STYK1: variants seen among roughly 807,000 people sequenced by gnomAD.
STYK1 encodes tyrosine-protein kinase STYK1.
A neutral mutation model predicts 48.1 loss-of-function variants in STYK1; 46 were observed. The ratio of observed to expected loss-of-function variants is 0.96; its 90% CI spans 0.75 to 1.22. The LOEUF is 1.22. Among genes scored for constraint, STYK1 ranks in the 50% most tolerant of loss-of-function variants. STYK1 has a pLI of 0.00. For synonymous variants in STYK1, 188 were observed against 189.0 expected (o/e 0.99, Z 0.04); for missense variants, 527 against 521.1 (o/e 1.01, Z -0.11).
chr12:10,664,912 C>A, intron 1 of STYK1, among the ~76,000 whole-genome samples: 1 of 152,302 alleles, frequency 6.6e-6, no homozygotes, highest in Non-Finnish European at 1.5e-5. Context: ...TAATTCATGG[C>A]TATTTTACCA....
chr12:10,673,686 T>G (rs1418873353), intron 1 of STYK1: 1 of 151,888 alleles, frequency 6.6e-6, no homozygotes, highest in Non-Finnish European at 1.5e-5. Context: ...TCCTGGGTTT[T>G]CTCATGTTTC....
chr12:10,662,990 G>A (rs562392286), intron 1 of STYK1, among the ~76,000 whole-genome samples: 18 of 152,196 alleles, frequency 1.2e-4, no homozygotes, highest in Admixed American at 5.2e-4. Flanking sequence ...TCAGGACTTT[G>A]GTTCATTTTG....
chr12:10,663,443 C>CA (rs1565574684), intron 1 of STYK1, among the ~76,000 whole-genome samples: 1 of 151,520 alleles, frequency 6.6e-6, no homozygotes, highest in Non-Finnish European at 1.5e-5. Context: ...ACTAAAAATA[C>CA]AAAAAATTAG....
In STYK1 at chr12:10,663,261, G is replaced by A. The variant is rs115579918; in HGVS notation, c.-195+10705C>T. Among the ~76,000 whole-genome samples, 518 of 152,126 alleles carry A rather than the reference G, an allele frequency of 3.4e-3. 3 individuals carry two copies. Among genetic ancestry groups the A allele is most frequent in the Middle Eastern group, 0.014 (4 of 294 alleles). On this transcript the variant is annotated intron_variant, in intron 1 of 10. Transcript: ENST00000075503. ...CCCAAGTAGCTGGGATTATAGACAC[G>A]TGCCACAGCACCCAGCCCACACAAT...
At chr12:10,660,311 A>G (rs1232307348) in intron 1 of STYK1, among the ~76,000 whole-genome samples, 2 of 152,216 alleles carry the variant, frequency 1.3e-5, no homozygotes, top group Non-Finnish European at 1.5e-5. Context: ...CCATACTGAT[A>G]CTTTCTGACC....
At chr12:10,634,533 T>C (rs1947464974) in intron 3 of STYK1, 34 bp downstream of exon 3, 17 of 1,603,270 alleles carry the variant, frequency 1.1e-5, no homozygotes, top group Non-Finnish European at 1.1e-5. Context: ...AATTCTAAAA[T>C]CAGAGGATAG....
intron 1 of STYK1, among the ~76,000 whole-genome samples, chr12:10,669,661 C>T (rs1013891148): frequency 5.3e-5 from 8 of 151,894 alleles, no homozygotes; most frequent in Non-Finnish European, 1.2e-4. Flanking sequence ...AATTTCTGCA[C>T]AACCAAGGAA....
intron 1 of STYK1, among the ~76,000 whole-genome samples, chr12:10,641,968 A>G (rs1272100696): frequency 6.6e-6 from 1 of 152,222 alleles, no homozygotes; most frequent in Non-Finnish European, 1.5e-5. Flanking sequence ...TTCATTCAGC[A>G]TCCGGAAGCA....
chr12:10,660,468 G>GAATGTGGCAAA (rs1591702336), intron 1 of STYK1, among the ~76,000 whole-genome samples: 24,867 of 119,430 alleles, frequency 0.21, 7,349 homozygotes, highest in East Asian at 0.41. Context: ...AGGGGAGGAG[G>GAATGTGGCAAA]GAAATATGTT....
At chr12:10,644,641 G>A (rs866963670) in intron 1 of STYK1, among the ~76,000 whole-genome samples, 17 of 152,106 alleles carry the variant, frequency 1.1e-4, no homozygotes, top group Non-Finnish European at 2.2e-4. Context: ...GATTACAGTA[G>A]TGACAGTAAA....
intron 1 of STYK1, among the ~76,000 whole-genome samples, chr12:10,638,840 A>C (rs1023673360): frequency 6.6e-6 from 1 of 152,248 alleles, no homozygotes; most frequent in Admixed American, 6.5e-5. Flanking sequence ...GCCCTGTTCC[A>C]GTAAGGTACA....
At position 10,673,999 on chromosome 12, in the gene STYK1, G is replaced by A. The variant is rs1947916918; in HGVS notation, c.-228C>T. 1 of 152,212 alleles carries A rather than the reference G, an allele frequency of 6.6e-6. No individual in the cohort carries two copies. Among genetic ancestry groups the A allele is most frequent in the Non-Finnish European group, 1.5e-5 (1 of 68,092 alleles). The allele number at this position is 152,212 out of a possible 1,614,324, so 9.4% of individuals were successfully genotyped here. A position where few individuals can be genotyped will look rare whatever the true frequency, so the allele number is the denominator to read the frequency against. ...TCCTCTGGTCACTCCGGTTTCCGAT[G>A]GCACCGGCCCAGTCGGAGGGGAAAT... On this transcript the variant is annotated 5_prime_UTR_variant, in exon 1 of 11. Transcript: ENST00000075503.
chr12:10,650,156 T>C (rs376956822), intron 1 of STYK1, among the ~76,000 whole-genome samples: 36 of 146,180 alleles, frequency 2.5e-4, no homozygotes, highest in African/African-American at 9.0e-4. Flanking sequence ...AAATCTTGAG[T>C]TTAACAAGCT....
intron 1 of STYK1, among the ~76,000 whole-genome samples, chr12:10,659,234 G>T (rs531744974): frequency 1.3e-5 from 2 of 152,084 alleles, no homozygotes; most frequent in African/African-American, 4.8e-5. Context: ...ACATTTTTGA[G>T]TTATCTGTAG....
chr12:10,619,915 A>G lies in STYK1; in HGVS notation c.*229T>C. The G allele has an allele frequency of 1.7e-6, 1 of 601,872 alleles. No homozygotes were observed. The highest frequency in any genetic ancestry group is 2.1e-5 in the South Asian group (1 of 46,858). 37.3% of individuals were successfully genotyped at this position (601,872 alleles called of 1,614,324 possible). A position where few individuals can be genotyped will look rare whatever the true frequency, so the allele number is the denominator to read the frequency against. On this transcript the variant is annotated 3_prime_UTR_variant, in exon 11 of 11. Coordinates refer to ENST00000075503, the MANE Select transcript of STYK1 (RefSeq NM_018423.3). ...CACAGGTCCACCACTTCTACCCAGG[A>G]TTTCTAGGACTGGGACAGCAGAAGT...
At chr12:10,654,786 A>G (rs751834637) in intron 1 of STYK1, among the ~76,000 whole-genome samples, 6 of 152,200 alleles carry the variant, frequency 3.9e-5, no homozygotes, top group Non-Finnish European at 8.8e-5. Flanking sequence ...ATTTGACACT[A>G]TGGGATGTTA....
chr12:10,664,873 C>CT (rs1200760523), intron 1 of STYK1, among the ~76,000 whole-genome samples: 3 of 152,168 alleles, frequency 2.0e-5, no homozygotes, highest in African/African-American at 7.2e-5. Flanking sequence ...AAATTATCCC[C>CT]ATTTTTGTAA....
chr12:10,653,239 A>ATTT (rs33946697), intron 1 of STYK1, among the ~76,000 whole-genome samples: 30,407 of 150,552 alleles, frequency 0.2, 3,355 homozygotes, highest in Middle Eastern at 0.32. Flanking sequence ...TGCCCAGCTA[A>ATTT]TTTTTTTTTG....
chr12:10,629,593 A>G lies in STYK1; in HGVS notation c.533T>C (p.Val178Ala). 16 of 1,614,216 alleles carry G rather than the reference A, an allele frequency of 9.9e-6. No individual in the cohort carries two copies. Among genetic ancestry groups the G allele is most frequent in the Non-Finnish European group, 1.4e-5 (16 of 1,180,044 alleles). Residue 178 changes from valine (V) to alanine (A), a missense_variant, in exon 6 of 11, where the codon GTG (valine) becomes GCG (alanine). By Grantham distance (64) the Val-to-Ala change is moderately conservative. Transcript: ENST00000075503. ...HQYLGKHKNL[V>A]QLEGCCTEKL... Reference sequence around the variant, plus strand: ...TTCAGTGCAGCAGCCTTCCAGCTGCACCAGGTTTTTGTGTTTCCCCAGGTA... The same window carrying G: ...TTCAGTGCAGCAGCCTTCCAGCTGCGCCAGGTTTTTGTGTTTCCCCAGGTA...
Sources: allele counts gnomAD v4.1 joint callset (sites outside exome capture counted in the v4.1 genomes callset), GRCh38; gene constraint gnomAD v4.1.1; transcripts MANE v1.5; gene names NCBI Gene and HGNC (gene_info 2026-07-23, HGNC 2026-07-21).